The following P4HA1 variants were observed in gnomAD, a reference collection of about 807,000 sequenced individuals.
P4HA1 encodes prolyl 4-hydroxylase subunit alpha 1, also known as prolyl 4-hydroxylase subunit alpha-1.
P4HA1 carries 24 observed loss-of-function variants against 72.8 expected under a neutral mutation model. The observed-to-expected ratio is 0.33, with a 90% CI of 0.24 to 0.46. P4HA1 has a LOEUF of 0.46. Ranked by LOEUF, P4HA1 falls within the 20% of genes least tolerant of loss-of-function variation. The probability of loss-of-function intolerance (pLI) is 1.00; values close to 1 mark genes in which losing one functional copy is unlikely to be tolerated. For missense variants in P4HA1, 446 were observed against 640.6 expected (o/e 0.70, Z 3.28); for synonymous variants, 201 against 218.8 (o/e 0.92, Z 0.72).
At chr10:73,078,190 G>GAT (rs1419817369) in intron 1 of P4HA1, among the ~76,000 whole-genome samples, 2 of 151,314 alleles carry the variant, frequency 1.3e-5, no homozygotes, top group Non-Finnish European at 2.9e-5. Flanking sequence ...TAGACAAGTA[G>GAT]ATATAGAACT....
intron 1 of P4HA1, among the ~76,000 whole-genome samples, chr10:73,089,776 T>C (rs1841991996): frequency 1.4e-5 from 2 of 147,412 alleles, no homozygotes; most frequent in African/African-American, 5.0e-5. Flanking sequence ...TAAAAACTAA[T>C]CTTAAGCAAC....
chr10:73,074,360 C>T (rs536616563), intron 2 of P4HA1, among the ~76,000 whole-genome samples: 2 of 152,098 alleles, frequency 1.3e-5, no homozygotes, highest in Admixed American at 6.5e-5. Flanking sequence ...TCATGCCTGT[C>T]GTAATCCCAG....
chr10:73,068,396 A>G (rs1271997520), intron 5 of P4HA1, among the ~76,000 whole-genome samples: 1 of 152,228 alleles, frequency 6.6e-6, no homozygotes, highest in African/African-American at 2.4e-5. Context: ...TTTGCCAAAA[A>G]TAGGTCAGAA....
chr10:73,028,346 A>ACACACAC (rs1840344803), intron 10 of P4HA1, among the ~76,000 whole-genome samples: 1 of 149,848 alleles, frequency 6.7e-6, no homozygotes, highest in Non-Finnish European at 1.5e-5. Flanking sequence ...ACACACACAC[A>ACACACAC]AAATACATTT....
At chr10:73,091,205 G>A (rs1842024583) in intron 1 of P4HA1, among the ~76,000 whole-genome samples, 1 of 151,320 alleles carries the variant, frequency 6.6e-6, no homozygotes, top group Non-Finnish European at 1.5e-5. Flanking sequence ...TAAATAAAAA[G>A]GAGGAAGGTT....
intron 5 of P4HA1, among the ~76,000 whole-genome samples, chr10:73,062,804 T>TG: frequency 6.6e-6 from 1 of 152,278 alleles, no homozygotes; most frequent in South Asian, 2.1e-4. Flanking sequence ...TATGGGCACG[T>TG]TTTGCTAGTG....
At chr10:73,061,564 C>A (rs1240767355) in intron 5 of P4HA1, among the ~76,000 whole-genome samples, 1 of 152,056 alleles carries the variant, frequency 6.6e-6, no homozygotes, top group African/African-American at 2.4e-5. Flanking sequence ...GAAATACTGT[C>A]GATTTGTTAA....
intron 9 of P4HA1, among the ~76,000 whole-genome samples, chr10:73,042,706 C>A (rs1840765996): frequency 6.7e-6 from 1 of 149,610 alleles, no homozygotes; most frequent in South Asian, 2.1e-4. Context: ...ACAGTTAATT[C>A]TCAACAGGGG....
intron 8 of P4HA1, among the ~76,000 whole-genome samples, chr10:73,045,392 G>T (rs955450948): frequency 5.9e-5 from 9 of 151,964 alleles, no homozygotes; most frequent in Non-Finnish European, 1.0e-4. Context: ...AGCCATCTGG[G>T]GGTGGGGAGA....
At chr10:73,056,557 G>C (rs539961501) in intron 5 of P4HA1, among the ~76,000 whole-genome samples, 1 of 151,750 alleles carries the variant, frequency 6.6e-6, no homozygotes, top group Non-Finnish European at 1.5e-5. Context: ...ACTTGAACCT[G>C]AGAGGCAGAG....
chr10:73,095,269 T>C (rs1195007427), intron 1 of P4HA1, among the ~76,000 whole-genome samples: 1 of 150,338 alleles, frequency 6.7e-6, no homozygotes, highest in Non-Finnish European at 1.5e-5. Flanking sequence ...GGGGTGTGTA[T>C]TCACATTTCA....
At chr10:73,096,571 G>A (rs1025666199) in intron 1 of P4HA1, among the ~76,000 whole-genome samples, 195 bp downstream of exon 1, 2 of 152,218 alleles carry the variant, frequency 1.3e-5, no homozygotes, top group African/African-American at 4.8e-5. Context: ...AAGGAGCGCG[G>A]GCGCCGGGAG....
rs748000234 is a variant in P4HA1 at position 73,073,796 on chromosome 10, T to C, written c.108A>G (p.Lys36=). 1.3e-6 allele frequency: 2 copies of C among 1,581,688 alleles called. No individual in the cohort carries two copies. The highest frequency in any genetic ancestry group is 1.1e-5 in the South Asian group (1 of 90,448). Residue 36 remains lysine, a synonymous_variant, in exon 3 of 15, where the codon AAA becomes AAG. Coordinates refer to ENST00000394890, the MANE Select transcript of P4HA1 (RefSeq NM_001017962.3). ...AATCTTTCAGAGAAGTCACCAGATC[T>C]TTCTCAGTATGGATCAAATCAGTCA... ...GQMTDLIHTE[K]DLVTSLKDYI...
At chr10:73,017,612 TAATAA>T (rs1267044551) in intron 10 of P4HA1, among the ~76,000 whole-genome samples, 8 of 152,212 alleles carry the variant, frequency 5.3e-5, no homozygotes, top group Non-Finnish European at 1.2e-4. Flanking sequence ...CAATCCACTT[TAATAA>T]AATATCTTTT....
chr10:73,036,742 T>A (rs1840585263), intron 9 of P4HA1, among the ~76,000 whole-genome samples: 1 of 152,248 alleles, frequency 6.6e-6, no homozygotes, highest in African/African-American at 2.4e-5. Context: ...TATCTTCAAG[T>A]TACTCATCTG....
chr10:73,018,731 C>G (rs2133042181), intron 10 of P4HA1, among the ~76,000 whole-genome samples: 1 of 152,206 alleles, frequency 6.6e-6, no homozygotes, highest in Admixed American at 6.5e-5. Context: ...ATCCCAGACT[C>G]AAACCTCCAG....
chr10:73,081,545 A>T (rs1412510175), intron 1 of P4HA1, among the ~76,000 whole-genome samples: 4 of 152,214 alleles, frequency 2.6e-5, no homozygotes, highest in Admixed American at 2.6e-4. Flanking sequence ...GTTTACATTC[A>T]TCCAAACACA....
At position 73,007,805 on chromosome 10, in the gene P4HA1, A is replaced by G. The variant is rs778876075; in HGVS notation, c.*417T>C. The G allele has an allele frequency of 3.2e-5, 5 of 155,886 alleles. No individual in the cohort carries two copies. Among genetic ancestry groups the G allele is most frequent in the Non-Finnish European group, 5.7e-5 (4 of 70,400 alleles). 9.7% of individuals were successfully genotyped at this position (155,886 alleles called of 1,614,324 possible). ...TCAGATCCAGAAAACAGAGTAAGAC[A>G]CTAGGTAAACAGAACACCTAGGCAC... On this transcript the variant is annotated 3_prime_UTR_variant, in exon 15 of 15. Coordinates refer to ENST00000394890, the MANE Select transcript of P4HA1 (RefSeq NM_001017962.3).
Position 73,045,682 on chromosome 10 carries a change from C to T in P4HA1, c.1078-631G>A, listed in dbSNP as rs114170847. Among the ~76,000 whole-genome samples, 256 of 151,700 alleles carry T rather than the reference C, an allele frequency of 1.7e-3. 1 individual carries two copies. The highest frequency in any genetic ancestry group is 5.9e-3 in the African/African-American group (243 of 41,372). ...ATAATTTCAATTTTTTTTAATGGAA[C>T]GATGATTCTGAGGTTGTGAGAGCAT... is the stretch of plus-strand genomic sequence containing the variant. On this transcript the variant is annotated intron_variant, in intron 8 of 14. Transcript: ENST00000394890.
Sources: allele counts gnomAD v4.1 joint callset (sites outside exome capture counted in the v4.1 genomes callset), GRCh38; gene constraint gnomAD v4.1.1; transcripts MANE v1.5; gene names NCBI Gene and HGNC (gene_info 2026-07-23, HGNC 2026-07-21).